The following LRCH1 variants were observed in gnomAD, a reference collection of about 807,000 sequenced individuals.
LRCH1 encodes the protein leucine-rich repeat and calponin homology domain-containing protein 1.
In LRCH1, 23 loss-of-function variants were observed where a neutral mutation model predicts 94.9. The observed-to-expected ratio is 0.24, with a 90% CI of 0.17 to 0.34. LRCH1 has a LOEUF of 0.34. Among genes scored for constraint, LRCH1 ranks in the 10% least tolerant of loss-of-function variants. LRCH1 has a pLI of 1.00. For synonymous variants in LRCH1, 364 were observed against 354.9 expected (o/e 1.03, Z -0.29); for missense variants, 790 against 945.9 (o/e 0.84, Z 2.16).
chr13:46,667,963 A>C (rs2051543482), intron 2 of LRCH1, among the ~76,000 whole-genome samples: 1 of 152,242 alleles, frequency 6.6e-6, no homozygotes, highest in South Asian at 2.1e-4. Flanking sequence ...TCACACAGGA[A>C]CACAGCTTCT....
chr13:46,710,511 C>T (rs9805517), intron 13 of LRCH1, among the ~76,000 whole-genome samples: 23,373 of 152,090 alleles, frequency 0.15, 1,941 homozygotes, highest in African/African-American at 0.22. Context: ...TTGCATGGCT[C>T]ATACATAAAT....
At chr13:46,588,516 A>T (rs2137956562) in intron 1 of LRCH1, among the ~76,000 whole-genome samples, 1 of 151,956 alleles carries the variant, frequency 6.6e-6, no homozygotes, top group Admixed American at 6.6e-5. Context: ...TGAAGAATTT[A>T]TGTAGCATAG....
At chr13:46,687,416 T>G (rs1870677707) in intron 5 of LRCH1, among the ~76,000 whole-genome samples, 1 of 152,244 alleles carries the variant, frequency 6.6e-6, no homozygotes. Context: ...GTAAATATTT[T>G]GAAGTTTATT....
chr13:46,605,207 C>T (rs958237416), intron 1 of LRCH1, among the ~76,000 whole-genome samples: 11 of 152,184 alleles, frequency 7.2e-5, no homozygotes, highest in African/African-American at 2.7e-4. Context: ...GACATGAAAT[C>T]ACACATGTCT....
At chr13:46,592,587 T>G (rs138332695) in intron 1 of LRCH1, among the ~76,000 whole-genome samples, 277 of 152,354 alleles carry the variant, frequency 1.8e-3, no homozygotes, top group African/African-American at 6.3e-3. Context: ...CTCAATTTCT[T>G]ATCTGTAAAA....
chr13:46,667,952 C>G (rs1232729683), intron 2 of LRCH1, among the ~76,000 whole-genome samples: 1 of 152,224 alleles, frequency 6.6e-6, no homozygotes, highest in Admixed American at 6.5e-5. Context: ...TATAAATACA[C>G]TCACACAGGA....
Position 46,553,719 on chromosome 13 carries a change from G to A in LRCH1, c.307+16G>A. ...GTGCAGGCAGGTGAGTGAGGGCCGA[G>A]GGGCGGGCAGGGGTGTGGGTGCTGT... On this transcript the variant is annotated intron_variant, in intron 1 of 19. Coordinates refer to ENST00000389797, the MANE Select transcript of LRCH1 (RefSeq NM_001164211.2). 1.2e-6 allele frequency: 2 copies of A among 1,604,486 alleles called. No individual in the cohort carries two copies. The highest frequency in any genetic ancestry group is 1.7e-6 in the Non-Finnish European group (2 of 1,176,982).
intron 2 of LRCH1, among the ~76,000 whole-genome samples, chr13:46,665,727 A>G (rs2051506130): frequency 6.6e-6 from 1 of 152,152 alleles, no homozygotes; most frequent in African/African-American, 2.4e-5. Context: ...CGGATACAAT[A>G]TGGCCTTATT....
intron 1 of LRCH1, among the ~76,000 whole-genome samples, chr13:46,614,409 A>G (rs543160122): frequency 5.3e-5 from 8 of 152,222 alleles, no homozygotes; most frequent in Admixed American, 1.3e-4. Flanking sequence ...GGACTTAGAG[A>G]GGATACAAAA....
Position 46,616,452 on chromosome 13 carries a change from C to T in LRCH1, c.308-33749C>T, listed in dbSNP as rs375462933. Among the ~76,000 whole-genome samples the T allele has an allele frequency of 1.1e-4, 16 of 152,256 alleles. 1 individual carries two copies. In the East Asian group the frequency reaches 2.3e-3, roughly 22 times the overall value. On this transcript the variant is annotated intron_variant, in intron 1 of 19. Coordinates refer to ENST00000389797, the MANE Select transcript of LRCH1 (RefSeq NM_001164211.2). ...GTCTTTGGTCATAAGCCTGACAGCACGGTGAGATACAAGTTCCTAGTGGCA... is the reference window on the plus strand; with the variant it reads ...GTCTTTGGTCATAAGCCTGACAGCATGGTGAGATACAAGTTCCTAGTGGCA...
intron 1 of LRCH1, among the ~76,000 whole-genome samples, chr13:46,603,957 A>C (rs2050660250): frequency 6.6e-6 from 1 of 152,286 alleles, no homozygotes. Context: ...ATGCCCGGCC[A>C]AACTTCTTTT....
chr13:46,672,550 A>G (rs778123879), intron 3 of LRCH1, among the ~76,000 whole-genome samples: 1 of 152,116 alleles, frequency 6.6e-6, no homozygotes, highest in Non-Finnish European at 1.5e-5. Flanking sequence ...AGTCAGCCGC[A>G]TACTAGAGCA....
At chr13:46,709,774 T>C (rs1277130365) in intron 13 of LRCH1, among the ~76,000 whole-genome samples, 1 of 152,112 alleles carries the variant, frequency 6.6e-6, no homozygotes, top group Non-Finnish European at 1.5e-5. Context: ...GAATTCTCAC[T>C]CCTTGTTTTC....
intron 15 of LRCH1, among the ~76,000 whole-genome samples, chr13:46,713,847 T>G (rs1872191213): frequency 6.6e-6 from 1 of 152,188 alleles, no homozygotes; most frequent in African/African-American, 2.4e-5. Flanking sequence ...CCAGGAGACT[T>G]ATTTTACACG....
At chr13:46,730,739 T>C (rs1295655053) in intron 18 of LRCH1, among the ~76,000 whole-genome samples, 2 of 152,110 alleles carry the variant, frequency 1.3e-5, no homozygotes, top group African/African-American at 4.8e-5. Flanking sequence ...ACAAATGAGG[T>C]CCAAACTGCC....
At chr13:46,732,776 CTT>C (rs1873173528) in intron 18 of LRCH1, among the ~76,000 whole-genome samples, 1 of 152,192 alleles carries the variant, frequency 6.6e-6, no homozygotes, top group African/African-American at 2.4e-5. Flanking sequence ...CTCAGGTCTG[CTT>C]CTGTTTGCAC....
At chr13:46,574,793 CGGT>C (rs1386941373) in intron 1 of LRCH1, among the ~76,000 whole-genome samples, 1 of 119,494 alleles carries the variant, frequency 8.4e-6, no homozygotes, top group African/African-American at 3.3e-5. Flanking sequence ...TGTTTACTTT[CGGT>C]TGTCTGGCAT....
chr13:46,749,192 A>G (rs577024452), downstream of LRCH1, among the ~76,000 whole-genome samples: 11 of 152,356 alleles, frequency 7.2e-5, no homozygotes, highest in East Asian at 2.1e-3. Context: ...CCTTCAAAAC[A>G]GCGCTACTCA....
intron 2 of LRCH1, among the ~76,000 whole-genome samples, chr13:46,654,757 G>A (rs2051350074): frequency 1.3e-5 from 2 of 152,112 alleles, no homozygotes; most frequent in Non-Finnish European, 1.5e-5. Flanking sequence ...TTAACAAATA[G>A]GCAAGTATAT....
Sources: allele counts gnomAD v4.1 joint callset (sites outside exome capture counted in the v4.1 genomes callset), GRCh38; gene constraint gnomAD v4.1.1; transcripts MANE v1.5; gene names NCBI Gene and HGNC (gene_info 2026-07-23, HGNC 2026-07-21).